The following GNAO1 variants were observed in gnomAD, a reference collection of about 807,000 sequenced individuals.
GNAO1 encodes the protein guanine nucleotide-binding protein G(o) subunit alpha.
For missense variants in GNAO1, 166 were observed against 478.7 expected (o/e 0.35, Z 6.10); for synonymous variants, 164 against 180.7 (o/e 0.91, Z 0.74).
At chr16:56,204,154 C>G (rs2036304883) in intron 2 of GNAO1, among the ~76,000 whole-genome samples, 1 of 152,044 alleles carries the variant, frequency 6.6e-6, no homozygotes, top group African/African-American at 2.4e-5. Context: ...GAACTCCTCC[C>G]CATTTTGAAC....
chr16:56,256,716 CTCTGTGTGTG>C (rs1271684014), intron 2 of GNAO1, among the ~76,000 whole-genome samples: 5 of 90,270 alleles, frequency 5.5e-5, no homozygotes, highest in African/African-American at 3.8e-5. Flanking sequence ...CTCTCTCTCT[CTCTGTGTGTG>C]TGTGTGTGTG....
chr16:56,298,220 G>A (rs1406902847), intron 3 of GNAO1, among the ~76,000 whole-genome samples: 1 of 152,184 alleles, frequency 6.6e-6, no homozygotes, highest in Non-Finnish European at 1.5e-5. Context: ...TCTTCCGTAT[G>A]TGCAGACATG....
At chr16:56,220,139 T>C (rs1272885660) in intron 2 of GNAO1, among the ~76,000 whole-genome samples, 1 of 152,094 alleles carries the variant, frequency 6.6e-6, no homozygotes, top group Non-Finnish European at 1.5e-5. Context: ...CAGATATCTT[T>C]GGCCTCTTTT....
At chr16:56,245,151 C>T (rs2036731532) in intron 2 of GNAO1, among the ~76,000 whole-genome samples, 2 of 152,044 alleles carry the variant, frequency 1.3e-5, no homozygotes, top group Non-Finnish European at 2.9e-5. Flanking sequence ...AAAAAAAACT[C>T]TGTTAAAGAT....
chr16:56,319,002 T>C (rs1182770318), intron 3 of GNAO1, among the ~76,000 whole-genome samples: 1 of 152,116 alleles, frequency 6.6e-6, no homozygotes, highest in African/African-American at 2.4e-5. Flanking sequence ...TGAACTTGGG[T>C]CACACAATGA....
chr16:56,216,395 A>T (rs1333383408), intron 2 of GNAO1, among the ~76,000 whole-genome samples: 1 of 152,148 alleles, frequency 6.6e-6, no homozygotes, highest in Non-Finnish European at 1.5e-5. Context: ...AAAGTCAAGG[A>T]TACACCCCAG....
intron 2 of GNAO1, among the ~76,000 whole-genome samples, chr16:56,221,417 A>G (rs1326163973): frequency 6.6e-6 from 1 of 151,984 alleles, no homozygotes; most frequent in East Asian, 1.9e-4. Flanking sequence ...TGGGAAGCCA[A>G]AGTGGGTGGA....
intron 2 of GNAO1, among the ~76,000 whole-genome samples, chr16:56,219,676 T>G (rs187175173): frequency 6.6e-6 from 1 of 152,188 alleles, no homozygotes; most frequent in Non-Finnish European, 1.5e-5. Context: ...AACCCACATC[T>G]TTTGACCCTT....
In GNAO1 at chr16:56,326,911, G is replaced by A. The variant is rs1285649609; in HGVS notation, c.304-1720G>A. On this transcript the variant is annotated intron_variant, in intron 3 of 8. Transcript: ENST00000262493. This position sits in a 1 kb window ranked among gnomAD's most constrained non-coding sequence, Gnocchi z 4.8. ...ACCCCTCTACCAGGCCCTGTCAGCC[G>A]TCCAGGGAGCTCTCGGCACAGGTGG... 3.9e-5 allele frequency among the ~76,000 whole-genome samples: 6 copies of A among 152,184 alleles called. No homozygotes were observed. The highest frequency in any genetic ancestry group is 1.9e-4 in the East Asian group (1 of 5,184).
intron 2 of GNAO1, among the ~76,000 whole-genome samples, chr16:56,233,356 A>G (rs1320663967): frequency 3.9e-5 from 6 of 152,222 alleles, no homozygotes; most frequent in African/African-American, 1.4e-4. Context: ...TGGATGAATA[A>G]GTGAATGAAA....
chr16:56,332,093 G>T (rs1647802516), intron 4 of GNAO1, among the ~76,000 whole-genome samples: 1 of 152,088 alleles, frequency 6.6e-6, no homozygotes, highest in Admixed American at 6.5e-5. Flanking sequence ...GTGCCATCTG[G>T]TGACGACAGC....
intron 2 of GNAO1, among the ~76,000 whole-genome samples, chr16:56,221,042 A>G (rs1202909241): frequency 1.3e-5 from 2 of 152,002 alleles, no homozygotes; most frequent in Non-Finnish European, 2.9e-5. Flanking sequence ...CACTGCACCC[A>G]GCCTTGGATT....
chr16:56,259,801 T>C lies in GNAO1; in HGVS notation c.162-16130T>C, dbSNP rs2036886827. ...GGCCAGTGTGACAACAGAAATCTTC[T>C]GATTGTTGGGACCCCTTCTTAATGT... On this transcript the variant is annotated intron_variant, in intron 2 of 8. Transcript: ENST00000262493. Among the ~76,000 whole-genome samples the C allele has an allele frequency of 3.3e-5, 5 of 152,238 alleles. No homozygotes were observed. The South Asian group carries it at 1.0e-3, about 32-fold the overall frequency.
chr16:56,318,312 A>C (rs2037534333), intron 3 of GNAO1, among the ~76,000 whole-genome samples: 1 of 152,114 alleles, frequency 6.6e-6, no homozygotes, highest in East Asian at 1.9e-4. Flanking sequence ...CGCCAGCTGG[A>C]ATTGTAGTGG....
chr16:56,282,256 G>A (rs1325262592), intron 3 of GNAO1, among the ~76,000 whole-genome samples: 4 of 152,182 alleles, frequency 2.6e-5, no homozygotes, highest in African/African-American at 9.7e-5. Context: ...TAATGATCCT[G>A]ATACCTCCCT....
At chr16:56,265,526 G>A (rs551588058) in intron 2 of GNAO1, among the ~76,000 whole-genome samples, 30 of 152,320 alleles carry the variant, frequency 2.0e-4, no homozygotes, top group African/African-American at 5.3e-4. Flanking sequence ...ATACTCGTGC[G>A]GACTCCCAGG....
chr16:56,293,471 A>G (rs1293556364), intron 3 of GNAO1, among the ~76,000 whole-genome samples: 1 of 152,168 alleles, frequency 6.6e-6, no homozygotes, highest in African/African-American at 2.4e-5. Flanking sequence ...CCCTTCTGAT[A>G]TGAACATGCA....
chr16:56,347,754 C>G (rs1432325888), intron 6 of GNAO1: 4 of 946,332 alleles, frequency 4.2e-6, no homozygotes, highest in Non-Finnish European at 3.8e-6. Context: ...CTGTCCTCCC[C>G]TTCCCTCCCC....
chr16:56,290,471 CT>C (rs1379216102), intron 3 of GNAO1, among the ~76,000 whole-genome samples: 1 of 152,188 alleles, frequency 6.6e-6, no homozygotes, highest in African/African-American at 2.4e-5. Context: ...TGGCCCATTG[CT>C]TTCTGTATGG....
Sources: gnomAD v4.1 joint callset for allele counts (sites outside exome capture counted in the v4.1 genomes callset) on GRCh38, gnomAD v4.1.1 for gene constraint, Gnocchi (gnomAD v3.1) non-coding constraint, MANE v1.5 for transcripts, NCBI Gene and HGNC (gene_info 2026-07-23, HGNC 2026-07-21) for gene names.